FAM13B: variants seen among roughly 807,000 people sequenced by gnomAD.
The protein encoded by FAM13B is family with sequence similarity 13 member B, also known as protein FAM13B.
A neutral mutation model predicts 117.3 loss-of-function variants in FAM13B; 60 were observed. The observed-to-expected ratio is 0.51, with a 90% confidence interval of 0.42 to 0.63. The LOEUF (loss-of-function observed/expected upper bound fraction) is 0.63, where lower values mean the gene tolerates loss of function less well. FAM13B is among the 30% of genes least tolerant of loss of function. The pLI is 0.00. For missense variants in FAM13B, 972 were observed against 1,091.9 expected (o/e 0.89, Z 1.55); for synonymous variants, 332 against 356.1 (o/e 0.93, Z 0.76).
At chr5:138,021,651 G>A (rs1786755129) in intron 1 of FAM13B, among the ~76,000 whole-genome samples, 2 of 152,132 alleles carry the variant, frequency 1.3e-5, no homozygotes, top group African/African-American at 4.8e-5. Context: ...ATACAACATA[G>A]TGGTTGCCTG....
intron 1 of FAM13B, among the ~76,000 whole-genome samples, chr5:138,038,287 T>A (rs1385357250): frequency 6.6e-6 from 1 of 152,084 alleles, no homozygotes; most frequent in East Asian, 1.9e-4. Context: ...CTTCCCCAAT[T>A]AGAAGCATAT....
intron 1 of FAM13B, among the ~76,000 whole-genome samples, chr5:138,043,488 G>A (rs1418901354): frequency 2.8e-5 from 4 of 143,530 alleles, no homozygotes; most frequent in African/African-American, 7.9e-5. Context: ...TCGCCAGGCC[G>A]AAGTGCAGTG....
chr5:138,044,346 G>A (rs941503847), intron 1 of FAM13B, among the ~76,000 whole-genome samples: 1 of 152,158 alleles, frequency 6.6e-6, no homozygotes, highest in Non-Finnish European at 1.5e-5. Flanking sequence ...GAGGTCAGGA[G>A]TTCGAGACCA....
chr5:137,962,960 A>G (rs1768576804), intron 10 of FAM13B, among the ~76,000 whole-genome samples: 1 of 152,120 alleles, frequency 6.6e-6, no homozygotes, highest in African/African-American at 2.4e-5. Context: ...GCTTAGTGAC[A>G]CCATCTCATC....
At chr5:138,003,617 C>G (rs1781803889) in intron 7 of FAM13B, among the ~76,000 whole-genome samples, 1 of 152,134 alleles carries the variant, frequency 6.6e-6, no homozygotes, top group South Asian at 2.1e-4. Context: ...CCATGGGAAA[C>G]TAGCTCCTCC....
chr5:138,020,099 TGCCCAGG>T, intron 2 of FAM13B: 2 of 746,330 alleles, frequency 2.7e-6, no homozygotes, highest in Non-Finnish European at 3.3e-6. Context: ...TCGCTCTTTT[TGCCCAGG>T]CTGGAGTGCA....
intron 9 of FAM13B, 70 bp from the exon 10 acceptor site, chr5:137,985,459 T>A: frequency 7.1e-7 from 1 of 1,401,800 alleles, no homozygotes; most frequent in Non-Finnish European, 9.7e-7. Flanking sequence ...TTAAAATAAG[T>A]AAATATCAAT....
At chr5:137,963,723 G>T (rs183793552) in intron 10 of FAM13B, among the ~76,000 whole-genome samples, 2 of 152,294 alleles carry the variant, frequency 1.3e-5, no homozygotes, top group Non-Finnish European at 2.9e-5. Context: ...GGGGGAGTGG[G>T]GAGTGAGCAC....
At chr5:137,973,600 T>C (rs960921670) in intron 10 of FAM13B, among the ~76,000 whole-genome samples, 2 of 152,094 alleles carry the variant, frequency 1.3e-5, no homozygotes, top group African/African-American at 2.4e-5. Flanking sequence ...AAAGCCAAAA[T>C]TGACAAATGG....
intron 7 of FAM13B, among the ~76,000 whole-genome samples, chr5:137,998,473 AAACT>A (rs1780393058): frequency 6.6e-6 from 1 of 152,234 alleles, no homozygotes; most frequent in African/African-American, 2.4e-5. Context: ...GTTGAGAGCT[AAACT>A]AATCACTTTT....
chr5:138,046,833 GC>G (rs1791653359), intron 1 of FAM13B, among the ~76,000 whole-genome samples: 1 of 151,876 alleles, frequency 6.6e-6, no homozygotes, highest in Non-Finnish European at 1.5e-5. Flanking sequence ...TGCAATCTCT[GC>G]CTCCCGGGTT....
chr5:137,954,043 T>C (rs988648337), intron 15 of FAM13B, 123 bp downstream of exon 15: 255 of 274,698 alleles, frequency 9.3e-4, no homozygotes, highest in Middle Eastern at 1.3e-3. Context: ...ATCTCTCTCT[T>C]TTTTTTTTTT....
At chr5:137,989,720 T>C (rs1778121200) in intron 7 of FAM13B, among the ~76,000 whole-genome samples, 1 of 152,022 alleles carries the variant, frequency 6.6e-6, no homozygotes, top group Non-Finnish European at 1.5e-5. Context: ...CCTAGCTACT[T>C]AGGAGGCTGA....
chr5:137,981,381 G>A (rs1290889456), intron 10 of FAM13B, among the ~76,000 whole-genome samples: 1 of 152,098 alleles, frequency 6.6e-6, no homozygotes, highest in Admixed American at 6.6e-5. Context: ...CCAGGAGTTT[G>A]AGGTTACAGT....
chr5:137,985,521 T>C (rs1776976093), intron 9 of FAM13B, 132 bp from the exon 10 acceptor site: 3 of 857,138 alleles, frequency 3.5e-6, no homozygotes, highest in Non-Finnish European at 5.2e-6. Context: ...TTCACAAAAA[T>C]CCACACTTTT....
Position 138,009,750 on chromosome 5 carries a change from A to G in FAM13B, c.690+1258T>C, listed in dbSNP as rs370602297. 3.6e-5 allele frequency among the ~76,000 whole-genome samples: 5 copies of G among 138,532 alleles called. No homozygotes were observed. In the South Asian group the frequency reaches 1.0e-3, roughly 29 times the overall value. The allele number at this position is 138,532 out of a possible 152,430, so 90.9% of individuals were successfully genotyped here. ...AACCTGGGAGACAGGGGTTGCAGTGAGCCAAGATCACACCATTGCACTCCA... is the reference window on the plus strand; with the variant it reads ...AACCTGGGAGACAGGGGTTGCAGTGGGCCAAGATCACACCATTGCACTCCA... On this transcript the variant is annotated intron_variant, in intron 6 of 23. Coordinates refer to ENST00000689681, the MANE Select transcript of FAM13B (RefSeq NM_001385994.1).
Position 137,962,263 on chromosome 5 carries a change from C to T in FAM13B, c.1244+142G>A, listed in dbSNP as rs1768344142. On this transcript the variant is annotated intron_variant, in intron 11 of 23. Coordinates refer to ENST00000689681, the MANE Select transcript of FAM13B (RefSeq NM_001385994.1). The stretch of plus-strand genomic sequence containing the variant: ...TATGGGTATTTAATATCCTTTATGC[C>T]TACCATTATAACAAGAAGGCTGTTT... 4 of 655,512 alleles carry T rather than the reference C, an allele frequency of 6.1e-6. No individual in the cohort carries two copies. In the East Asian group the frequency reaches 8.3e-5, roughly 14 times the overall value. The allele number at this position is 655,512 out of a possible 1,614,324, so 40.6% of individuals were successfully genotyped here.
At position 138,028,125 on chromosome 5, in the gene FAM13B, AGTAT is replaced by A. The variant is rs780852188; in HGVS notation, c.-203+4653_-203+4656del. Among the ~76,000 whole-genome samples, 339 of 152,368 alleles carry A rather than the reference AGTAT, an allele frequency of 2.2e-3. 1 individual carries two copies. The highest frequency in any genetic ancestry group is 2.8e-3 in the Non-Finnish European group (191 of 68,034). Reference sequence around the variant, plus strand: ...CCATTAAGTAATTTATCAGATACAAAGTATAACTAATACAGAATTCAGGACTAGA... The same window carrying A: ...CCATTAAGTAATTTATCAGATACAAAAACTAATACAGAATTCAGGACTAGA... On this transcript the variant is annotated intron_variant, in intron 1 of 23. Coordinates refer to ENST00000689681, the MANE Select transcript of FAM13B (RefSeq NM_001385994.1).
At chr5:138,021,703 A>G (rs1786773637) in intron 1 of FAM13B, among the ~76,000 whole-genome samples, 1 of 152,236 alleles carries the variant, frequency 6.6e-6, no homozygotes, top group African/African-American at 2.4e-5. Context: ...GTTGGAAAAG[A>G]GCAAAAAGAA....
Sources: gnomAD v4.1 joint callset for allele counts (sites outside exome capture counted in the v4.1 genomes callset) on GRCh38, gnomAD v4.1.1 for gene constraint, MANE v1.5 for transcripts, NCBI Gene and HGNC (gene_info 2026-07-23, HGNC 2026-07-21) for gene names.